The following ZC3H12B variants were observed in gnomAD, a reference collection of about 807,000 sequenced individuals.
The protein encoded by ZC3H12B is zinc finger CCCH-type containing 12B, also known as probable ribonuclease ZC3H12B.
A neutral mutation model predicts 43.9 loss-of-function variants in ZC3H12B; 7 were observed. The ratio of observed to expected loss-of-function variants is 0.16; its 90% CI spans 0.09 to 0.30. The LOEUF is 0.30. Among genes scored for constraint, ZC3H12B ranks in the 10% least tolerant of loss-of-function variants. The pLI is 1.00. For missense variants in ZC3H12B, 475 were observed against 670.2 expected, an observed-to-expected ratio of 0.71 and a Z score of 3.22; for synonymous variants, 222 against 241.7, an observed-to-expected ratio of 0.92 and a Z score of 0.76.
intron 3 of ZC3H12B, among the ~76,000 whole-genome samples, chrX:65,409,990 C>T (rs1484729278): frequency 9.2e-6 from 1 of 108,956 alleles, no homozygotes; most frequent in African/African-American, 3.3e-5. Flanking sequence ...TACATAAGAC[C>T]CAGAATAGCC....
intron 3 of ZC3H12B, among the ~76,000 whole-genome samples, chrX:65,398,905 G>T (rs1456002164): frequency 8.9e-6 from 1 of 111,792 alleles, no homozygotes; most frequent in Admixed American, 9.5e-5. Context: ...TGACAAAGGT[G>T]CCAAGAACAC....
the ZC3H12B span, chrX:65,328,446 C>A: frequency 3.8e-6 from 1 of 259,977 alleles, no homozygotes; most frequent in South Asian, 5.0e-5. Flanking sequence ...TCCCAGTCAC[C>A]AACTAGCCAT....
At chrX:65,497,026 G>T in intron 1 of ZC3H12B, 106 bp from the exon 7 acceptor site, 1 of 554,890 alleles carries the variant, frequency 1.8e-6, no homozygotes, top group East Asian at 4.7e-5. Flanking sequence ...AGAAAAGAAT[G>T]TAAATGTCTA....
At chrX:65,228,402 C>A in the ZC3H12B span, among the ~76,000 whole-genome samples, 1 of 111,196 alleles carries the variant, frequency 9.0e-6, no homozygotes, top group Non-Finnish European at 1.9e-5. Flanking sequence ...TAAGAGCTAT[C>A]TATGAAAAAC....
the ZC3H12B span, among the ~76,000 whole-genome samples, chrX:65,215,328 A>C: frequency 8.9e-6 from 1 of 111,818 alleles, no homozygotes; most frequent in African/African-American, 3.2e-5. Context: ...AATAGAAGAC[A>C]GTTTTGTCTA....
At chrX:65,143,857 C>G in the ZC3H12B span, among the ~76,000 whole-genome samples, 1 of 111,126 alleles carries the variant, frequency 9.0e-6, no homozygotes, top group South Asian at 3.8e-4. Flanking sequence ...GCGTGAGCCA[C>G]TGGACCTGGC....
chrX:65,054,672 T>G, the ZC3H12B span, among the ~76,000 whole-genome samples: 8 of 112,052 alleles, frequency 7.1e-5, no homozygotes, highest in Non-Finnish European at 7.5e-5. Flanking sequence ...GTAAATTACC[T>G]TGGGCAGTAT....
the ZC3H12B span, among the ~76,000 whole-genome samples, chrX:65,251,703 T>G: frequency 8.9e-6 from 1 of 111,796 alleles, no homozygotes; most frequent in African/African-American, 3.3e-5. Flanking sequence ...TTGAAGCAAT[T>G]GTGAATGGGA....
At chrX:65,456,996 G>A (rs2067627894) in intron 3 of ZC3H12B, among the ~76,000 whole-genome samples, 1 of 100,660 alleles carries the variant, frequency 9.9e-6, no homozygotes, top group Non-Finnish European at 2.0e-5. Flanking sequence ...TAGGAAGCGA[G>A]GAGCGCCTCT....
chrX:65,359,426 C>A, the ZC3H12B span, among the ~76,000 whole-genome samples: 212 of 111,981 alleles, frequency 1.9e-3, 1 homozygote, highest in African/African-American at 6.7e-3. Context: ...AGTGATTCAC[C>A]ATTCTCGCCA....
At chrX:65,219,803 C>T in the ZC3H12B span, among the ~76,000 whole-genome samples, 2 of 93,555 alleles carry the variant, frequency 2.1e-5, no homozygotes, top group African/African-American at 8.6e-5. Flanking sequence ...CATACATACA[C>T]ACACATACAC....
At chrX:65,127,139 G>A in the ZC3H12B span, among the ~76,000 whole-genome samples, 2 of 111,177 alleles carry the variant, frequency 1.8e-5, no homozygotes, top group African/African-American at 3.3e-5. Context: ...CTATGTCAGA[G>A]GGAAGATCTG....
At chrX:65,358,631 C>A in the ZC3H12B span, among the ~76,000 whole-genome samples, 1 of 111,048 alleles carries the variant, frequency 9.0e-6, no homozygotes, top group Non-Finnish European at 1.9e-5. Context: ...TTCTTTGAAA[C>A]CAACGAGAAC....
chrX:65,207,432 A>G, the ZC3H12B span, among the ~76,000 whole-genome samples: 2 of 110,835 alleles, frequency 1.8e-5, no homozygotes, highest in Non-Finnish European at 3.8e-5. Flanking sequence ...CAGCTAAGCT[A>G]TGAGGATGCA....
the ZC3H12B span, among the ~76,000 whole-genome samples, chrX:65,212,319 T>G: frequency 7.3e-4 from 4 of 5,513 alleles, no homozygotes; most frequent in Non-Finnish European, 8.7e-4. Context: ...ATAATTATTA[T>G]ATTTATATTA....
the ZC3H12B span, among the ~76,000 whole-genome samples, chrX:65,102,756 G>T: frequency 9.0e-6 from 1 of 111,476 alleles, no homozygotes; most frequent in African/African-American, 3.3e-5. Context: ...ATAATTCAAC[G>T]TAAAAATAAA....
rs187327448 is a variant in ZC3H12B, at chrX:65,398,679, A to C, written n.382A>C. 1 of 112,306 alleles carries C rather than the reference A, an allele frequency of 8.9e-6. No individual in the cohort carries two copies. The highest frequency in any genetic ancestry group is 1.9e-5 in the Non-Finnish European group (1 of 53,259). 9.3% of individuals were successfully genotyped at this position (112,306 alleles called of 1,213,427 possible). ...GTAAGTTTTCTGAGGCTGCCCAGTC[A>C]TGCTTCCTGTTAAGCCTGCAGAACT... On this transcript the variant is annotated non_coding_transcript_exon_variant, in exon 3 of 6. The change abolishes an upstream ATG in the 5' untranslated region. Transcript: ENST00000617377.
the ZC3H12B span, among the ~76,000 whole-genome samples, chrX:65,198,530 T>A: frequency 2.7e-5 from 3 of 111,991 alleles, no homozygotes; most frequent in African/African-American, 9.7e-5. Context: ...GAGATAAAAG[T>A]TTTTTTCGAC....
At chrX:65,108,483 C>G in the ZC3H12B span, among the ~76,000 whole-genome samples, 1 of 109,092 alleles carries the variant, frequency 9.2e-6, no homozygotes, top group Non-Finnish European at 1.9e-5. Flanking sequence ...AACGCAGGGC[C>G]AGGATCATCA....
Sources: gnomAD v4.1 joint callset for allele counts (sites outside exome capture counted in the v4.1 genomes callset) on GRCh38, gnomAD v4.1.1 for gene constraint, MANE v1.5 for transcripts, NCBI Gene and HGNC (gene_info 2026-07-23, HGNC 2026-07-21) for gene names.